Variants in SMG6 observed in about 807,000 individuals in gnomAD.
The protein encoded by SMG6 is telomerase-binding protein EST1A.
A neutral mutation model predicts 142.2 loss-of-function variants in SMG6; 66 were observed. The ratio of observed to expected loss-of-function variants is 0.46; its 90% CI spans 0.38 to 0.57. The LOEUF is 0.57. Ranked by LOEUF, SMG6 falls within the 20% of genes least tolerant of loss-of-function variation. SMG6 has a pLI of 0.00. For synonymous variants in SMG6, 779 were observed against 702.4 expected (o/e 1.11, Z -1.72); for missense variants, 1,793 against 1,832.0 (o/e 0.98, Z 0.39).
At chr17:2,289,987 G>T (rs541807714) in intron 6 of SMG6, among the ~76,000 whole-genome samples, 5 of 148,832 alleles carry the variant, frequency 3.4e-5, no homozygotes, top group African/African-American at 9.9e-5. Context: ...TTTTCTCAAT[G>T]AGCAATGAAA....
At chr17:2,267,779 G>A (rs1339693911) in intron 8 of SMG6, among the ~76,000 whole-genome samples, 10 of 145,218 alleles carry the variant, frequency 6.9e-5, no homozygotes, top group Non-Finnish European at 1.2e-4. Flanking sequence ...ACAGAGTCTC[G>A]CTCTGTTGCC....
chr17:2,208,290 C>A (rs2072748921), intron 10 of SMG6, among the ~76,000 whole-genome samples: 1 of 152,184 alleles, frequency 6.6e-6, no homozygotes, highest in Non-Finnish European at 1.5e-5. Context: ...TAAGTCGTTC[C>A]TTCAAGATCC....
intron 13 of SMG6, chr17:2,127,790 C>T (rs1401987629): frequency 3.6e-6 from 2 of 552,236 alleles, no homozygotes; most frequent in Non-Finnish European, 7.2e-6. Context: ...GCTGAAAATT[C>T]ACTCTTCTCC....
At chr17:2,258,861 C>T (rs1407495438) in intron 8 of SMG6, among the ~76,000 whole-genome samples, 2 of 148,156 alleles carry the variant, frequency 1.3e-5, no homozygotes, top group East Asian at 2.0e-4. Flanking sequence ...GTTGGGGGGC[C>T]GAGGTCAGGA....
chr17:2,268,417 G>A (rs950063894), intron 8 of SMG6, among the ~76,000 whole-genome samples: 3 of 152,192 alleles, frequency 2.0e-5, no homozygotes, highest in African/African-American at 7.2e-5. Context: ...AGCTTTCACA[G>A]CAGCAGCAGC....
intron 8 of SMG6, among the ~76,000 whole-genome samples, chr17:2,274,529 G>A (rs2074607181): frequency 6.6e-6 from 1 of 152,182 alleles, no homozygotes; most frequent in African/African-American, 2.4e-5. Context: ...TTTGTTGGGT[G>A]AAGATAGAGA....
chr17:2,100,742 T>C (rs1455356435), intron 13 of SMG6, among the ~76,000 whole-genome samples: 1 of 152,154 alleles, frequency 6.6e-6, no homozygotes, highest in East Asian at 1.9e-4. Context: ...AGATGGGGTC[T>C]CGCGATATTG....
At chr17:2,074,210 G>T (rs575649542) in intron 15 of SMG6, among the ~76,000 whole-genome samples, 1 of 137,780 alleles carries the variant, frequency 7.3e-6, no homozygotes, top group South Asian at 2.6e-4. Context: ...CTGAGTAGCT[G>T]GGACTACAGG....
At chr17:2,118,233 C>G (rs1020745309) in intron 13 of SMG6, among the ~76,000 whole-genome samples, 8 of 150,882 alleles carry the variant, frequency 5.3e-5, no homozygotes, top group African/African-American at 1.5e-4. Context: ...AGAGCAAGAC[C>G]GTCTCAAAAA....
intron 13 of SMG6, among the ~76,000 whole-genome samples, chr17:2,165,961 C>T: frequency 6.6e-6 from 1 of 152,066 alleles, no homozygotes. Flanking sequence ...CCTGCAATCC[C>T]AGCACTTAGG....
chr17:2,169,578 A>G (rs911696505), intron 13 of SMG6, among the ~76,000 whole-genome samples: 11 of 152,156 alleles, frequency 7.2e-5, no homozygotes, highest in African/African-American at 2.2e-4. Context: ...TCCGGTTAAG[A>G]AAAGAGCAAC....
intron 8 of SMG6, among the ~76,000 whole-genome samples, chr17:2,272,574 T>C (rs1009813258): frequency 6.6e-6 from 1 of 152,240 alleles, no homozygotes; most frequent in South Asian, 2.1e-4. Context: ...TTGAGTCACC[T>C]GAGGTGCATG....
At chr17:2,239,492 A>G (rs2073749898) in intron 9 of SMG6, among the ~76,000 whole-genome samples, 1 of 152,210 alleles carries the variant, frequency 6.6e-6, no homozygotes, top group African/African-American at 2.4e-5. Context: ...AGTTTTTTTA[A>G]GTTGTATTAC....
rs1410125138 is a variant in SMG6, at chr17:2,236,502, G to A, written c.2859C>T (p.Ser953=). The A allele has an allele frequency of 1.9e-6, 3 of 1,611,992 alleles. No homozygotes were observed. The highest frequency in any genetic ancestry group is 2.7e-5 in the African/African-American group (2 of 74,916). Residue 953 remains serine (S), a synonymous_variant, in exon 10 of 19, where the codon TCC becomes TCT. Transcript: ENST00000263073. The part of the protein sequence containing the change: ...MTINMFAVHN[S]QLKDCFSEEC... The stretch of plus-strand genomic sequence containing the variant: ...CTAAACATGCCTTACCTTTCAGCTG[G>A]GAGTTGTGTACTGCAAACATATTGA...
chr17:2,138,496 C>G (rs2070375604), intron 13 of SMG6, among the ~76,000 whole-genome samples: 1 of 152,160 alleles, frequency 6.6e-6, no homozygotes, highest in African/African-American at 2.4e-5. Flanking sequence ...CAGCCACCAG[C>G]CTGACCCCTC....
chr17:2,272,867 G>A (rs2074568279), intron 8 of SMG6, among the ~76,000 whole-genome samples: 1 of 152,066 alleles, frequency 6.6e-6, no homozygotes, highest in Non-Finnish European at 1.5e-5. Context: ...GAACCCAGGA[G>A]GCGGAGGAGC....
In SMG6 at chr17:2,283,713, T is replaced by C. The variant is rs936203498; in HGVS notation, c.2360A>G (p.Tyr787Cys). The change falls in exon 7 of 19, where the codon TAT becomes TGT. Residue 787 changes from tyrosine to cysteine, a missense_variant. Physicochemically the swap from Tyr to Cys is radical, Grantham distance 194. Coordinates refer to ENST00000263073, the MANE Select transcript of SMG6 (RefSeq NM_017575.5). The stretch of plus-strand genomic sequence containing the variant: ...GGCAGCTAAACTGCGCATATAGTAA[T>C]AGACAGCGTCAAGCTTCCTCCTCTG... Reference protein sequence around the residue: ...VYTRRKLDAVYYYMRSLAASN... With the variant: ...VYTRRKLDAVCYYMRSLAASN... 3.1e-6 allele frequency: 5 copies of C among 1,614,010 alleles called. No individual in the cohort carries two copies. Among genetic ancestry groups the C allele is most frequent in the East Asian group, 4.5e-5 (2 of 44,868 alleles).
intron 4 of SMG6, among the ~76,000 whole-genome samples, chr17:2,296,182 TTA>T: frequency 6.6e-6 from 1 of 152,204 alleles, no homozygotes; most frequent in East Asian, 1.9e-4. Context: ...ATATGAGAGT[TTA>T]TGACCTAGTC....
At position 2,061,465 on chromosome 17, in the gene SMG6, CG is replaced by C. The variant is rs145926620; in HGVS notation, c.*26del. 915 of 1,356,096 alleles carry C rather than the reference CG, an allele frequency of 6.7e-4. 1 individual carries two copies. The highest frequency in any genetic ancestry group is 9.8e-4 in the Middle Eastern group (4 of 4,100). The allele number at this position is 1,356,096 out of a possible 1,614,324, so 84.0% of individuals were successfully genotyped here. On this transcript the variant is annotated 3_prime_UTR_variant, in exon 19 of 19. Coordinates refer to ENST00000263073, the MANE Select transcript of SMG6 (RefSeq NM_017575.5). The stretch of plus-strand genomic sequence containing the variant: ...TGGTGGCCTTTCAGGAACGGTTCCA[CG>C]GGGGGGGGGCCCCAGTGTGGCTCCC...
Sources: gnomAD v4.1 joint callset for allele counts (sites outside exome capture counted in the v4.1 genomes callset) on GRCh38, gnomAD v4.1.1 for gene constraint, MANE v1.5 for transcripts, NCBI Gene and HGNC (gene_info 2026-07-23, HGNC 2026-07-21) for gene names.